Variants in CNTNAP4 observed in about 807,000 individuals in gnomAD.
The protein encoded by CNTNAP4 is contactin associated protein family member 4.
Under a neutral mutation model 148.4 loss-of-function variants are expected in CNTNAP4, and 98 were observed. The observed-to-expected ratio is 0.66, with a 90% CI of 0.56 to 0.78. The LOEUF (loss-of-function observed/expected upper bound fraction) is 0.78. CNTNAP4 is among the 30% of genes least tolerant of loss of function. The pLI is 0.00. For missense variants in CNTNAP4, 1,935 were observed against 1,565.6 expected, an observed-to-expected ratio of 1.24 and a Z score of -3.98; for synonymous variants, 730 against 565.1, an observed-to-expected ratio of 1.29 and a Z score of -4.14.
chr16:76,305,968 T>C (rs1223911964), intron 1 of CNTNAP4, among the ~76,000 whole-genome samples: 1 of 152,178 alleles, frequency 6.6e-6, no homozygotes, highest in East Asian at 1.9e-4. Context: ...GCTTCATCTG[T>C]GTTGCTGTGA....
intron 20 of CNTNAP4, among the ~76,000 whole-genome samples, chr16:76,540,166 A>C (rs1228029364): frequency 6.6e-6 from 1 of 152,188 alleles, no homozygotes; most frequent in Non-Finnish European, 1.5e-5. Flanking sequence ...TAAATGCAGT[A>C]ATAAATCTAT....
At chr16:76,446,424 G>A (rs8061099) in intron 4 of CNTNAP4, among the ~76,000 whole-genome samples, 35,607 of 151,986 alleles carry the variant, frequency 0.23, 5,600 homozygotes, top group African/African-American at 0.44. Flanking sequence ...AGACAATACC[G>A]TCAGGATTTC....
chr16:76,325,459 G>T (rs573675935), intron 2 of CNTNAP4, among the ~76,000 whole-genome samples: 2 of 152,210 alleles, frequency 1.3e-5, no homozygotes, highest in South Asian at 4.1e-4. Context: ...CAGAGTAAGT[G>T]CCCTAGCTAT....
intron 12 of CNTNAP4, among the ~76,000 whole-genome samples, chr16:76,489,030 A>T (rs1346858036): frequency 6.6e-6 from 1 of 152,184 alleles, no homozygotes; most frequent in Non-Finnish European, 1.5e-5. Context: ...TGTCCAGATC[A>T]CATGATATCA....
intron 2 of CNTNAP4, among the ~76,000 whole-genome samples, chr16:76,338,816 G>T (rs549018869): frequency 1.3e-5 from 2 of 152,000 alleles, no homozygotes; most frequent in South Asian, 2.1e-4. Flanking sequence ...TTTAAGGTGG[G>T]GAAAAAAAAT....
intron 10 of CNTNAP4, among the ~76,000 whole-genome samples, chr16:76,467,917 A>G (rs1354650922): frequency 1.3e-5 from 2 of 152,174 alleles, no homozygotes; most frequent in Admixed American, 6.5e-5. Flanking sequence ...CAGTTATCAA[A>G]CTGGCATTTG....
In CNTNAP4 at chr16:76,489,775, G is replaced by A. The variant is rs372054509; in HGVS notation, c.1972G>A (p.Glu658Lys). The A allele has an allele frequency of 2.1e-5, 34 of 1,604,792 alleles. No individual in the cohort carries two copies. Among genetic ancestry groups the A allele is most frequent in the Middle Eastern group, 1.6e-4 (1 of 6,078 alleles). Residue 658 changes from glutamate to lysine, a missense_variant, in exon 13 of 24, where the codon GAG becomes AAG. Glu to Lys is a moderately conservative substitution (Grantham distance 56, BLOSUM62 1). Transcript: ENST00000611870. The stretch of plus-strand genomic sequence containing the variant: ...AGAGAACCCATATGCTGGGTTTTTC[G>A]AGTATGTGGCCAGCATGGAGCAACT... ...NPENPYAGFF[E>K]YVASMEQLQA...
intron 3 of CNTNAP4, among the ~76,000 whole-genome samples, chr16:76,358,432 A>C (rs2012984771): frequency 6.6e-6 from 1 of 152,228 alleles, no homozygotes; most frequent in Non-Finnish European, 1.5e-5. Flanking sequence ...AATATTAGAT[A>C]CAGATTCCTA....
intron 3 of CNTNAP4, among the ~76,000 whole-genome samples, chr16:76,413,254 C>A (rs1204572524): frequency 6.6e-6 from 1 of 151,370 alleles, no homozygotes; most frequent in Non-Finnish European, 1.5e-5. Flanking sequence ...TGCAAGCCCC[C>A]CACTACACTT....
chr16:76,398,849 C>A (rs1289842904), intron 3 of CNTNAP4, among the ~76,000 whole-genome samples: 6 of 151,720 alleles, frequency 4.0e-5, no homozygotes, highest in Admixed American at 3.3e-4. Context: ...CATATATATA[C>A]TTATATATTT....
At chr16:76,343,400 C>T (rs1964647096) in intron 2 of CNTNAP4, among the ~76,000 whole-genome samples, 1 of 152,120 alleles carries the variant, frequency 6.6e-6, no homozygotes, top group South Asian at 2.1e-4. Flanking sequence ...CCCTCTTCTG[C>T]CTCACTTGTG....
At chr16:76,372,992 A>C (rs1200163619) in intron 3 of CNTNAP4, among the ~76,000 whole-genome samples, 1 of 152,232 alleles carries the variant, frequency 6.6e-6, no homozygotes, top group Non-Finnish European at 1.5e-5. Context: ...AACACTTTTC[A>C]TGATTACTTC....
chr16:76,450,047 A>G (rs2080401918), intron 7 of CNTNAP4, among the ~76,000 whole-genome samples, 189 bp downstream of exon 7: 1 of 152,086 alleles, frequency 6.6e-6, no homozygotes, highest in African/African-American at 2.4e-5. Context: ...TTGGGGGCAT[A>G]ATTATTTTAT....
At chr16:76,326,856 G>A (rs1483852743) in intron 2 of CNTNAP4, among the ~76,000 whole-genome samples, 2 of 151,802 alleles carry the variant, frequency 1.3e-5, no homozygotes, top group Non-Finnish European at 2.9e-5. Context: ...GCTAAATGAC[G>A]AGTTAATGTG....
chr16:76,360,475 A>G (rs1313569962), intron 3 of CNTNAP4, among the ~76,000 whole-genome samples: 1 of 152,154 alleles, frequency 6.6e-6, no homozygotes, highest in African/African-American at 2.4e-5. Flanking sequence ...TGTGAGTGGC[A>G]TTTTTCCTTC....
chr16:76,305,602 G>A (rs1318079166), intron 1 of CNTNAP4, among the ~76,000 whole-genome samples: 1 of 152,152 alleles, frequency 6.6e-6, no homozygotes, highest in Admixed American at 6.6e-5. Context: ...ATGGGAAGTG[G>A]GTTTACTTGG....
At chr16:76,385,023 T>A (rs1219816145) in intron 3 of CNTNAP4, among the ~76,000 whole-genome samples, 2 of 152,232 alleles carry the variant, frequency 1.3e-5, no homozygotes, top group Non-Finnish European at 2.9e-5. Context: ...ATAAATATAG[T>A]GAAGATATAC....
At chr16:76,294,776 C>G (rs1959194782) in intron 1 of CNTNAP4, among the ~76,000 whole-genome samples, 2 of 152,144 alleles carry the variant, frequency 1.3e-5, no homozygotes, top group Admixed American at 1.3e-4. Context: ...TAGTAAGCCT[C>G]CACATTGTGG....
At chr16:76,451,964 T>A (rs1470670335) in intron 7 of CNTNAP4, among the ~76,000 whole-genome samples, 2 of 152,114 alleles carry the variant, frequency 1.3e-5, no homozygotes, top group African/African-American at 4.8e-5. Flanking sequence ...CATTACGTAT[T>A]ATATATATGT....
Sources: allele counts gnomAD v4.1 joint callset (sites outside exome capture counted in the v4.1 genomes callset), GRCh38; gene constraint gnomAD v4.1.1; transcripts MANE v1.5; gene names NCBI Gene and HGNC (gene_info 2026-07-23, HGNC 2026-07-21).